NCALD: variants seen among roughly 807,000 people sequenced by gnomAD.
NCALD encodes the protein neurocalcin-delta.
In NCALD, 10 loss-of-function variants were observed where a neutral mutation model predicts 18.6. That is an observed-to-expected ratio of 0.54 (90% CI 0.33 to 0.91). The LOEUF is 0.91. NCALD is among the 40% of genes least tolerant of loss of function. The pLI is 0.03. For missense variants in NCALD, 184 were observed against 247.6 expected (o/e 0.74, Z 1.72); for synonymous variants, 88 against 87.4 (o/e 1.01, Z -0.04).
At chr8:102,014,137 T>A (rs2132076120) in intron 2 of NCALD, among the ~76,000 whole-genome samples, 1 of 152,312 alleles carries the variant, frequency 6.6e-6, no homozygotes. Context: ...TCTGTCCATT[T>A]GGGCTGCTAT....
chr8:101,773,936 C>A (rs1811687831), intron 1 of NCALD, among the ~76,000 whole-genome samples: 1 of 152,094 alleles, frequency 6.6e-6, no homozygotes, highest in South Asian at 2.1e-4. Context: ...TTAAAGAGGA[C>A]TAATGTTAAC....
chr8:102,112,498 A>G (rs1464450468), intron 1 of NCALD, among the ~76,000 whole-genome samples: 1 of 152,160 alleles, frequency 6.6e-6, no homozygotes, highest in Non-Finnish European at 1.5e-5. Context: ...AAAAATTGTT[A>G]TCAACTAACC....
At chr8:101,733,930 T>C (rs985316985) in intron 1 of NCALD, among the ~76,000 whole-genome samples, 2 of 152,194 alleles carry the variant, frequency 1.3e-5, no homozygotes, top group Admixed American at 6.5e-5. Context: ...CTTTTTGTTT[T>C]GTTTTGTTGT....
At chr8:101,982,404 C>T (rs867571296) in intron 2 of NCALD, among the ~76,000 whole-genome samples, 2 of 152,140 alleles carry the variant, frequency 1.3e-5, no homozygotes, top group Non-Finnish European at 1.5e-5. Context: ...TTACAGTTTA[C>T]AAAGCACTTT....
At chr8:102,096,164 T>C (rs993977850) in intron 1 of NCALD, among the ~76,000 whole-genome samples, 3 of 152,214 alleles carry the variant, frequency 2.0e-5, no homozygotes, top group African/African-American at 7.2e-5. Context: ...GGGATGAGGC[T>C]AAAACAAGGC....
chr8:102,023,107 A>C (rs1241797249), intron 1 of NCALD, among the ~76,000 whole-genome samples: 1 of 152,230 alleles, frequency 6.6e-6, no homozygotes, highest in Non-Finnish European at 1.5e-5. Context: ...ATTTCATTTG[A>C]ATAAATAGCT....
chr8:101,977,110 A>G (rs1820451031), intron 2 of NCALD, among the ~76,000 whole-genome samples: 1 of 152,080 alleles, frequency 6.6e-6, no homozygotes, highest in Non-Finnish European at 1.5e-5. Context: ...TTCTTTGGCA[A>G]AGAAAAATGG....
intron 2 of NCALD, among the ~76,000 whole-genome samples, chr8:102,003,204 A>G (rs912605709): frequency 4.0e-4 from 61 of 152,348 alleles, no homozygotes; most frequent in Admixed American, 1.8e-3. Flanking sequence ...GGATATCACC[A>G]CCGATCCCAC....
chr8:102,080,627 G>A (rs1824496374), intron 1 of NCALD, among the ~76,000 whole-genome samples: 1 of 152,188 alleles, frequency 6.6e-6, no homozygotes, highest in African/African-American at 2.4e-5. Flanking sequence ...TTACTCAGAA[G>A]GAAGGCTCTC....
chr8:102,111,412 A>ATGTGTGTGTGTGTGTG (rs57126471), intron 1 of NCALD, among the ~76,000 whole-genome samples: 4 of 147,656 alleles, frequency 2.7e-5, no homozygotes, highest in African/African-American at 7.6e-5. Flanking sequence ...GTCTAAAGAG[A>ATGTGTGTGTGTGTGTG]TGTGTGTGTG....
At chr8:102,042,111 T>C (rs1481323993) in intron 1 of NCALD, among the ~76,000 whole-genome samples, 1 of 151,966 alleles carries the variant, frequency 6.6e-6, no homozygotes, top group Non-Finnish European at 1.5e-5. Flanking sequence ...GAGTTTGGTG[T>C]ACTTGTTATT....
At chr8:101,708,500 C>G (rs1343149838) in intron 2 of NCALD, among the ~76,000 whole-genome samples, 4 of 152,184 alleles carry the variant, frequency 2.6e-5, no homozygotes, top group African/African-American at 9.7e-5. Context: ...AGGAAGACAT[C>G]CTGTCCCAGC....
intron 1 of NCALD, among the ~76,000 whole-genome samples, chr8:102,021,800 T>C (rs151146359): frequency 0.012 from 1,815 of 152,302 alleles, 14 homozygotes; most frequent in Middle Eastern, 0.034. Context: ...GCATGAGCCG[T>C]CACATTGAAG....
chr8:101,708,368 G>A (rs1282947570), intron 2 of NCALD, among the ~76,000 whole-genome samples: 1 of 152,216 alleles, frequency 6.6e-6, no homozygotes, highest in East Asian at 1.9e-4. Context: ...TGGAGATTTA[G>A]TGGGACACCT....
At chr8:101,719,753 A>G in intron 1 of NCALD, 105 bp from the exon 2 acceptor site, 1 of 1,096,366 alleles carries the variant, frequency 9.1e-7, no homozygotes, top group Non-Finnish European at 1.3e-6. Flanking sequence ...ACAAACAAAT[A>G]AACTCTATAC....
At chr8:102,035,217 C>T (rs1260549377) in intron 1 of NCALD, among the ~76,000 whole-genome samples, 3 of 149,760 alleles carry the variant, frequency 2.0e-5, no homozygotes, top group South Asian at 2.2e-4. Flanking sequence ...GGAAGAATCT[C>T]GGTGACTGCT....
chr8:101,904,975 G>A (rs991431301), intron 3 of NCALD, among the ~76,000 whole-genome samples: 2 of 152,060 alleles, frequency 1.3e-5, no homozygotes, highest in Non-Finnish European at 2.9e-5. Flanking sequence ...CACAATCAAA[G>A]GTGGCCACAT....
intron 1 of NCALD, among the ~76,000 whole-genome samples, chr8:101,782,989 C>A (rs1457980119): frequency 6.6e-6 from 1 of 152,140 alleles, no homozygotes; most frequent in Non-Finnish European, 1.5e-5. Flanking sequence ...TCCTACTTAG[C>A]TGAAATATCT....
In NCALD at chr8:102,081,035, C is replaced by T. The variant is rs889672348; in HGVS notation, c.-210+43202G>A. Among the ~76,000 whole-genome samples the T allele has an allele frequency of 3.4e-4, 52 of 152,090 alleles. 1 individual carries two copies. The highest frequency in any genetic ancestry group is 3.3e-3 in the Admixed American group (50 of 15,268). On this transcript the variant is annotated intron_variant, in intron 1 of 6. Coordinates refer to the NCALD transcript ENST00000311028. ...CACCTGCAGCACTTTGTAAATGTTCCGATTCATGGACCCCTCTTTTTACCT... is the reference window on the plus strand; with the variant it reads ...CACCTGCAGCACTTTGTAAATGTTCTGATTCATGGACCCCTCTTTTTACCT...
Sources: allele counts gnomAD v4.1 joint callset (sites outside exome capture counted in the v4.1 genomes callset), GRCh38; gene constraint gnomAD v4.1.1; transcripts MANE v1.5; gene names NCBI Gene and HGNC (gene_info 2026-07-23, HGNC 2026-07-21).